The following CDH12 variants were observed in gnomAD, a reference collection of about 807,000 sequenced individuals.
The protein encoded by CDH12 is cadherin 12.
A neutral mutation model predicts 74.1 loss-of-function variants in CDH12; 41 were observed. The observed-to-expected ratio is 0.55, with a 90% CI of 0.43 to 0.72. The LOEUF is 0.72. Ranked by LOEUF, CDH12 falls within the 30% of genes least tolerant of loss-of-function variation. CDH12 has a pLI of 0.00. For synonymous variants in CDH12, 399 were observed against 355.0 expected, an observed-to-expected ratio of 1.12 and a Z score of -1.39; for missense variants, 945 against 977.2, an observed-to-expected ratio of 0.97 and a Z score of 0.44.
intron 5 of CDH12, among the ~76,000 whole-genome samples, chr5:22,077,928 G>A (rs1044072536): frequency 6.6e-6 from 1 of 151,946 alleles, no homozygotes; most frequent in African/African-American, 2.4e-5. Flanking sequence ...AAGCCAAATC[G>A]AATACTTCAG....
intron 6 of CDH12, among the ~76,000 whole-genome samples, chr5:21,960,980 G>A (rs2431905): frequency 1.3e-5 from 2 of 152,134 alleles, no homozygotes; most frequent in South Asian, 2.1e-4. Flanking sequence ...CTTCATAAAC[G>A]TTCCATGTAA....
chr5:22,199,403 T>A (rs1260318560), intron 4 of CDH12, among the ~76,000 whole-genome samples: 1 of 152,202 alleles, frequency 6.6e-6, no homozygotes, highest in Non-Finnish European at 1.5e-5. Flanking sequence ...TAAGTTCATA[T>A]GTTGTTTAAG....
intron 1 of CDH12, among the ~76,000 whole-genome samples, chr5:22,727,029 G>T (rs1009415854): frequency 6.6e-6 from 1 of 151,716 alleles, no homozygotes; most frequent in Non-Finnish European, 1.5e-5. Context: ...ACAATCAGAT[G>T]AAATGAATTA....
At chr5:22,517,241 T>A (rs931146827) in intron 1 of CDH12, among the ~76,000 whole-genome samples, 1 of 152,088 alleles carries the variant, frequency 6.6e-6, no homozygotes, top group African/African-American at 2.4e-5. Flanking sequence ...GCTTGAAAAT[T>A]AGAGTTGGCT....
intron 1 of CDH12, among the ~76,000 whole-genome samples, chr5:22,513,396 A>C (rs1195222576): frequency 1.3e-5 from 2 of 152,106 alleles, no homozygotes; most frequent in Non-Finnish European, 2.9e-5. Context: ...ATGTATTGAC[A>C]GCTTTTCTCC....
chr5:22,177,527 A>G (rs986748606), intron 4 of CDH12, among the ~76,000 whole-genome samples: 1 of 152,170 alleles, frequency 6.6e-6, no homozygotes, highest in African/African-American at 2.4e-5. Context: ...AAGAAAATCC[A>G]TATTCAAGCA....
At chr5:22,441,000 G>C (rs1381824332) in intron 2 of CDH12, among the ~76,000 whole-genome samples, 1 of 152,114 alleles carries the variant, frequency 6.6e-6, no homozygotes, top group Non-Finnish European at 1.5e-5. Flanking sequence ...TTGGCAGGCA[G>C]AGTACAGGTT....
intron 5 of CDH12, among the ~76,000 whole-genome samples, chr5:22,048,335 T>C (rs1321220513): frequency 1.3e-5 from 2 of 152,164 alleles, no homozygotes; most frequent in East Asian, 1.9e-4. Flanking sequence ...AGAGTACTGA[T>C]GATGCTTGTA....
At chr5:21,768,078 ATTAG>A (rs1353254255) in intron 11 of CDH12, among the ~76,000 whole-genome samples, 1 of 151,790 alleles carries the variant, frequency 6.6e-6, no homozygotes, top group Non-Finnish European at 1.5e-5. Flanking sequence ...CCATATGGAA[ATTAG>A]TTACTGTTGA....
At chr5:22,558,560 T>C (rs1194145337) in intron 1 of CDH12, among the ~76,000 whole-genome samples, 3 of 152,038 alleles carry the variant, frequency 2.0e-5, no homozygotes, top group Non-Finnish European at 4.4e-5. Flanking sequence ...GGCTTGATTC[T>C]TAAATAGGAA....
intron 4 of CDH12, chr5:22,141,597 A>G (rs1480504720): frequency 1.3e-5 from 2 of 152,122 alleles, no homozygotes; most frequent in Non-Finnish European, 2.9e-5. Flanking sequence ...GGTTTTTTCC[A>G]TGAGAATACT....
At chr5:22,255,930 C>T (rs186651235) in intron 3 of CDH12, among the ~76,000 whole-genome samples, 8 of 152,054 alleles carry the variant, frequency 5.3e-5, no homozygotes, top group Admixed American at 5.2e-4. Flanking sequence ...TCTTGCATTT[C>T]ATTACCTGAA....
intron 3 of CDH12, among the ~76,000 whole-genome samples, chr5:22,375,999 C>A (rs1407997249): frequency 6.6e-6 from 1 of 152,152 alleles, no homozygotes; most frequent in Non-Finnish European, 1.5e-5. Context: ...ACCAAGGGGA[C>A]ACCTGCACTT....
At chr5:22,215,495 T>G (rs1436465147) in intron 3 of CDH12, among the ~76,000 whole-genome samples, 1 of 152,260 alleles carries the variant, frequency 6.6e-6, no homozygotes, top group South Asian at 2.1e-4. Context: ...CTTCCAAATA[T>G]ATAATTCCAT....
intron 7 of CDH12, among the ~76,000 whole-genome samples, chr5:21,853,461 ACT>A (rs1750583000): frequency 6.6e-6 from 1 of 151,480 alleles, no homozygotes; most frequent in Non-Finnish European, 1.5e-5. Context: ...TAGTCCTTTA[ACT>A]TTTTGATGAC....
At chr5:21,944,762 G>T (rs1269862656) in intron 6 of CDH12, among the ~76,000 whole-genome samples, 1 of 152,126 alleles carries the variant, frequency 6.6e-6, no homozygotes, top group African/African-American at 2.4e-5. Context: ...TCAGGGAAGT[G>T]AGGTTATTTT....
chr5:22,387,204 C>CA (rs1271973400), intron 3 of CDH12, among the ~76,000 whole-genome samples: 2 of 151,406 alleles, frequency 1.3e-5, no homozygotes, highest in African/African-American at 4.9e-5. Context: ...TTATTTTGAG[C>CA]AAAAATGCCT....
intron 5 of CDH12, among the ~76,000 whole-genome samples, chr5:22,018,247 A>C (rs1737730272): frequency 6.6e-6 from 1 of 152,176 alleles, no homozygotes; most frequent in Non-Finnish European, 1.5e-5. Context: ...TCTATGATAA[A>C]GACTTATGAG....
intron 5 of CDH12, among the ~76,000 whole-genome samples, chr5:21,997,546 T>G (rs1736366899): frequency 6.6e-6 from 1 of 152,148 alleles, no homozygotes; most frequent in African/African-American, 2.4e-5. Flanking sequence ...ATAAATAGTT[T>G]ACTATACATT....
Sources: gnomAD v4.1 joint callset for allele counts (sites outside exome capture counted in the v4.1 genomes callset) on GRCh38, gnomAD v4.1.1 for gene constraint, MANE v1.5 for transcripts, NCBI Gene and HGNC (gene_info 2026-07-23, HGNC 2026-07-21) for gene names.